NUP155: variants seen among roughly 807,000 people sequenced by gnomAD.
NUP155 encodes nucleoporin 155.
NUP155 carries 71 observed loss-of-function variants against 180.4 expected under a neutral mutation model. That is an observed-to-expected ratio of 0.39 (90% confidence interval 0.33 to 0.48). The LOEUF is 0.48. NUP155 is among the 20% of genes least tolerant of loss of function. The pLI, the probability that NUP155 is intolerant of heterozygous loss-of-function variation, is 0.91. For synonymous variants in NUP155, 582 were observed against 559.5 expected, an observed-to-expected ratio of 1.04 and a Z score of -0.57; for missense variants, 1,553 against 1,648.9, an observed-to-expected ratio of 0.94 and a Z score of 1.01.
chr5:37,337,422 A>T (rs1745404261), intron 12 of NUP155, among the ~76,000 whole-genome samples: 1 of 152,210 alleles, frequency 6.6e-6, no homozygotes, highest in African/African-American at 2.4e-5. Flanking sequence ...TGTTAGAATA[A>T]AATCTAAGTC....
chr5:37,366,228 C>T (rs1747576820), intron 1 of NUP155, among the ~76,000 whole-genome samples: 1 of 152,146 alleles, frequency 6.6e-6, no homozygotes, highest in Non-Finnish European at 1.5e-5. Flanking sequence ...TGATGACCTA[C>T]TTATCTCAGG....
At chr5:37,310,401 T>A in intron 23 of NUP155, 151 bp downstream of exon 23, 1 of 588,192 alleles carries the variant, frequency 1.7e-6, no homozygotes, top group Non-Finnish European at 3.0e-6. Flanking sequence ...AGAAGCCACA[T>A]ATTCCAACCC....
rs1163893572 is a variant in NUP155 at position 37,290,186 on chromosome 5, G to A, written c.*1714C>T. The stretch of plus-strand genomic sequence containing the variant: ...AATTATTTGTGGTAGCATAAAGAGA[G>A]AAGGGAATAGGCCAGGCACATTGGC... On this transcript the variant is annotated 3_prime_UTR_variant, in exon 35 of 35. Coordinates refer to ENST00000231498, the MANE Select transcript of NUP155 (RefSeq NM_153485.3). The A allele has an allele frequency of 1.3e-5, 2 of 152,086 alleles. No individual in the cohort carries two copies. The highest frequency in any genetic ancestry group is 3.9e-4 in the East Asian group (2 of 5,184). 9.4% of individuals were successfully genotyped at this position (152,086 alleles called of 1,614,324 possible).
intron 28 of NUP155, 103 bp from the exon 29 acceptor site, chr5:37,303,011 A>C (rs898599273): frequency 7.6e-7 from 1 of 1,309,362 alleles, no homozygotes; most frequent in African/African-American, 1.5e-5. Flanking sequence ...ACACATAAAA[A>C]GCCATCTGAA....
In NUP155 at chr5:37,302,968, A is replaced by G. The variant is rs75922058; in HGVS notation, c.3318-60T>C. 3,641 of 1,541,398 alleles carry G rather than the reference A, an allele frequency of 2.4e-3. 73 individuals are homozygous for G. The African/African-American group carries it at 0.043, about 18-fold the overall frequency. On this transcript the variant is annotated intron_variant, in intron 28 of 34. Coordinates refer to ENST00000231498, the MANE Select transcript of NUP155 (RefSeq NM_153485.3). ...TTTCTTAAGGATTGATGATACAAATACGTCAATTAGTATGTACTGTTTCAT... is the reference window on the plus strand; with the variant it reads ...TTTCTTAAGGATTGATGATACAAATGCGTCAATTAGTATGTACTGTTTCAT...
chr5:37,364,144 T>A (rs921797688), intron 2 of NUP155, 103 bp downstream of exon 2: 52 of 1,160,976 alleles, frequency 4.5e-5, no homozygotes, highest in Non-Finnish European at 6.3e-5. Context: ...AATAAAACCC[T>A]TAAATGAATA....
intron 9 of NUP155, among the ~76,000 whole-genome samples, chr5:37,347,082 G>A (rs746631869): frequency 1.3e-5 from 2 of 151,996 alleles, no homozygotes; most frequent in African/African-American, 4.8e-5. Context: ...AGAAAAATTC[G>A]CCAGGTGTGG....
At chr5:37,309,729 G>A (rs1332925722) in intron 23 of NUP155, among the ~76,000 whole-genome samples, 1 of 151,984 alleles carries the variant, frequency 6.6e-6, no homozygotes, top group Non-Finnish European at 1.5e-5. Context: ...TCTCACCTTT[G>A]GTTTTTTAAT....
At position 37,292,013 on chromosome 5, in the gene NUP155, C is replaced by G; in HGVS notation, c.4063G>C (p.Asp1355His). 6.2e-7 allele frequency: 1 copy of G among 1,614,056 alleles called. No individual in the cohort carries two copies. Among genetic ancestry groups the G allele is most frequent in the Admixed American group, 1.7e-5 (1 of 60,020 alleles). Residue 1355 changes from aspartate (D) to histidine (H), a missense_variant, in exon 35 of 35, where the codon GAT (aspartate) becomes CAT (histidine). Asp to His is a moderately conservative substitution (Grantham distance 81). Coordinates refer to ENST00000231498, the MANE Select transcript of NUP155 (RefSeq NM_153485.3). ...TCAACAAGGTAACCACAAACAGCAT[C>G]CAGGCAGAGATTTGTAAATCTTCTC... The part of the protein sequence containing the change: ...ERRRFTNLCL[D>H]AVCGYLVELQ...
In NUP155 at chr5:37,309,116, T is replaced by C; in HGVS notation, c.2767+13A>G. ...AGTTGAGTAAAAGATACAAGAAACA[T>C]TTTATTTCTCACCTTGTCTATACTG... On this transcript the variant is annotated intron_variant, in intron 24 of 34. Transcript: ENST00000231498. 1 of 1,611,948 alleles carries C rather than the reference T, an allele frequency of 6.2e-7. No homozygotes were observed. The highest frequency in any genetic ancestry group is 1.1e-5 in the South Asian group (1 of 91,024).
At chr5:37,307,568 T>G in intron 24 of NUP155, 136 bp from the exon 25 acceptor site, 1 of 840,428 alleles carries the variant, frequency 1.2e-6, no homozygotes, top group Non-Finnish European at 1.9e-6. Flanking sequence ...ATAAAATATT[T>G]CTGATAGGTC....
Position 37,371,093 on chromosome 5 carries a change from C to T in NUP155, c.-116G>A, listed in dbSNP as rs914578959. The T allele has an allele frequency of 2.3e-5, 24 of 1,025,482 alleles. No individual in the cohort carries two copies. The Middle Eastern group carries it at 1.8e-3, about 77-fold the overall frequency. The allele number at this position is 1,025,482 out of a possible 1,614,324, so 63.5% of individuals were successfully genotyped here. A position where few individuals can be genotyped will look rare whatever the true frequency, so the allele number is the denominator to read the frequency against. ...TAGGGCGCGCGCGCCAAACGAGCGC[C>T]TTGGCGCCTCGACATGACGCACTTC... is the stretch of plus-strand genomic sequence containing the variant. On this transcript the variant is annotated 5_prime_UTR_variant, in exon 1 of 35. Transcript: ENST00000231498.
Position 37,301,529 on chromosome 5 carries a change from T to C in NUP155, c.3469A>G (p.Ile1157Val). 1.2e-6 allele frequency: 2 copies of C among 1,612,768 alleles called. No individual in the cohort carries two copies. Among genetic ancestry groups the C allele is most frequent in the Non-Finnish European group, 1.7e-6 (2 of 1,178,790 alleles). ...TACTGCCTTTGTAGTGTCTCCTGTA[T>C]CTGAAGTTGGATCCTAGCAACCTAG... ...KMEVARIQLQ[I>V]QETLQRQYSH... Residue 1157 changes from isoleucine to valine, a missense_variant, in exon 30 of 35, where the codon ATA (isoleucine) becomes GTA (valine). Ile to Val is a conservative substitution (Grantham distance 29). Transcript: ENST00000231498.
chr5:37,323,271 C>T (rs930357530), intron 20 of NUP155, among the ~76,000 whole-genome samples: 3 of 152,138 alleles, frequency 2.0e-5, no homozygotes, highest in Admixed American at 2.0e-4. Context: ...GGTGACAGAG[C>T]AAGAGTCCGT....
chr5:37,370,677 C>G (rs1747903124), intron 1 of NUP155, 144 bp downstream of exon 1: 2 of 1,603,274 alleles, frequency 1.2e-6, no homozygotes, highest in African/African-American at 2.7e-5. Context: ...TGAAAAGAAG[C>G]TGCTTGCTGT....
At chr5:37,352,915 C>A (rs1270589885) in intron 4 of NUP155, 86 bp from the exon 5 acceptor site, 2 of 863,664 alleles carry the variant, frequency 2.3e-6, no homozygotes, top group Non-Finnish European at 1.9e-6. Context: ...AAGTGAGCTA[C>A]TAATTAAATG....
At chr5:37,318,825 CAAAAAG>C (rs1744070076) in intron 20 of NUP155, among the ~76,000 whole-genome samples, 2 of 151,598 alleles carry the variant, frequency 1.3e-5, no homozygotes, top group Admixed American at 1.3e-4. Flanking sequence ...ATTTCGGTAA[CAAAAAG>C]AAAAAAACAC....
chr5:37,352,155 AG>A (rs1283615842), intron 5 of NUP155, among the ~76,000 whole-genome samples: 2 of 152,170 alleles, frequency 1.3e-5, no homozygotes, highest in Admixed American at 6.6e-5. Flanking sequence ...CAGGAGTTCA[AG>A]AACAGCCTGG....
Position 37,294,341 on chromosome 5 carries a change from C to T in NUP155, c.3918G>A (p.Leu1306=), listed in dbSNP as rs774178827. The part of the protein sequence containing the change: ...LPRLLEVYDQ[L]FKSRDPFWNR... ...ATATTTTCCTTACCCGTGATTTGAA[C>T]AACTGATCATAAACTTCTAGTAGTC... The change falls in exon 33 of 35, where the codon TTG becomes TTA. Residue 1306 remains leucine, a synonymous_variant. Coordinates refer to ENST00000231498, the MANE Select transcript of NUP155 (RefSeq NM_153485.3). 1.3e-6 allele frequency: 2 copies of T among 1,586,652 alleles called. No homozygotes were observed. Among genetic ancestry groups the T allele is most frequent in the Non-Finnish European group, 1.7e-6 (2 of 1,157,210 alleles).
Sources: allele counts gnomAD v4.1 joint callset (sites outside exome capture counted in the v4.1 genomes callset), GRCh38; gene constraint gnomAD v4.1.1; transcripts MANE v1.5; gene names NCBI Gene and HGNC (gene_info 2026-07-23, HGNC 2026-07-21).